Variants in TMPRSS11D observed in about 807,000 individuals in gnomAD.
The protein encoded by TMPRSS11D is transmembrane protease serine 11D.
In TMPRSS11D, 32 loss-of-function variants were observed where a neutral mutation model predicts 44.4. The observed-to-expected ratio is 0.72, with a 90% CI of 0.54 to 0.97. The LOEUF is 0.97. TMPRSS11D is among the 50% of genes least tolerant of loss of function. TMPRSS11D has a pLI of 0.00. For missense variants in TMPRSS11D, 446 were observed against 502.6 expected (o/e 0.89, Z 1.08); for synonymous variants, 179 against 177.9 (o/e 1.01, Z -0.05).
At chr4:67,830,321 T>A (rs1417229691) in intron 7 of TMPRSS11D, among the ~76,000 whole-genome samples, 1 of 151,900 alleles carries the variant, frequency 6.6e-6, no homozygotes, top group East Asian at 1.9e-4. Flanking sequence ...AATCCAGGGA[T>A]GACAGGAGGA....
intron 4 of TMPRSS11D, 97 bp downstream of exon 4, chr4:67,842,461 T>G: frequency 8.9e-7 from 1 of 1,117,646 alleles, no homozygotes; most frequent in Non-Finnish European, 1.3e-6. Context: ...TTACAACAAC[T>G]TATCTGAACA....
chr4:67,836,425 C>T (rs955908439), intron 5 of TMPRSS11D, among the ~76,000 whole-genome samples: 1 of 152,158 alleles, frequency 6.6e-6, no homozygotes, highest in Non-Finnish European at 1.5e-5. Flanking sequence ...CTCTCTCAAA[C>T]CGACTTATGC....
intron 7 of TMPRSS11D, among the ~76,000 whole-genome samples, chr4:67,830,151 A>C (rs1187545025): frequency 6.6e-6 from 1 of 152,086 alleles, no homozygotes; most frequent in Non-Finnish European, 1.5e-5. Context: ...AGTAAGAAAC[A>C]ATATTAGACT....
At chr4:67,825,967 A>T in intron 8 of TMPRSS11D, 93 bp from the exon 9 acceptor site, 2 of 1,337,990 alleles carry the variant, frequency 1.5e-6, no homozygotes, top group South Asian at 1.9e-5. Context: ...TGTACTCCAA[A>T]CATTATTTCA....
At chr4:67,829,539 T>G (rs899185081) in intron 7 of TMPRSS11D, among the ~76,000 whole-genome samples, 13 of 151,614 alleles carry the variant, frequency 8.6e-5, no homozygotes, top group African/African-American at 3.1e-4. Context: ...AAAAATAGAA[T>G]GAATTCTATT....
In TMPRSS11D at chr4:67,876,174, C is replaced by T. The variant is rs11940127; in HGVS notation, c.8+7752G>A. 2.8e-3 allele frequency among the ~76,000 whole-genome samples: 423 copies of T among 152,216 alleles called. 4 individuals are homozygous for T. The highest frequency in any genetic ancestry group is 9.6e-3 in the African/African-American group (400 of 41,524). On this transcript the variant is annotated intron_variant, in intron 1 of 9. Transcript: ENST00000283916. ...GGTAATATATTACAATAGTAATAAC[C>T]ATGAGTTTTATAATCAGACAGATCC...
intron 1 of TMPRSS11D, among the ~76,000 whole-genome samples, chr4:67,867,171 A>G (rs1459928219): frequency 6.6e-6 from 1 of 152,118 alleles, no homozygotes; most frequent in East Asian, 1.9e-4. Flanking sequence ...ACCCAGAAAT[A>G]AAGCCACTTA....
intron 1 of TMPRSS11D, among the ~76,000 whole-genome samples, chr4:67,876,849 A>G (rs1719202522): frequency 6.6e-6 from 1 of 152,228 alleles, no homozygotes; most frequent in Non-Finnish European, 1.5e-5. Context: ...TTGCCAAATA[A>G]TTGTCCTTCC....
chr4:67,834,267 T>C (rs1378728939), intron 6 of TMPRSS11D, among the ~76,000 whole-genome samples: 1 of 152,058 alleles, frequency 6.6e-6, no homozygotes, highest in Non-Finnish European at 1.5e-5. Context: ...AAAGGCTTTT[T>C]TTTCCTAGCA....
Position 67,821,337 on chromosome 4 carries a change from T to C in TMPRSS11D, c.*1000A>G, listed in dbSNP as rs1393682806. 1 of 152,124 alleles carries C rather than the reference T, an allele frequency of 6.6e-6. No homozygotes were observed. The highest frequency in any genetic ancestry group is 1.5e-5 in the Non-Finnish European group (1 of 68,014). 9.4% of individuals were successfully genotyped at this position (152,124 alleles called of 1,614,324 possible). The stretch of plus-strand genomic sequence containing the variant: ...TGTCTTCAGGATCATTCTATTGATA[T>C]TAAGCTATTTAAACTTTTCCTTTGC... On this transcript the variant is annotated 3_prime_UTR_variant, in exon 10 of 10. Coordinates refer to ENST00000283916, the MANE Select transcript of TMPRSS11D (RefSeq NM_004262.3).
At chr4:67,841,983 A>G (rs1577811897) in intron 4 of TMPRSS11D, among the ~76,000 whole-genome samples, 1 of 152,202 alleles carries the variant, frequency 6.6e-6, no homozygotes. Context: ...AAAGGTGACT[A>G]TTTCAGTTGG....
At chr4:67,827,150 T>G in intron 8 of TMPRSS11D, 111 bp downstream of exon 8, 2 of 1,402,206 alleles carry the variant, frequency 1.4e-6, no homozygotes, top group Non-Finnish European at 1.9e-6. Flanking sequence ...AGAATGGTTC[T>G]GTCTGTAGAA....
At chr4:67,858,438 A>T (rs1487905475) in intron 2 of TMPRSS11D, among the ~76,000 whole-genome samples, 1 of 152,066 alleles carries the variant, frequency 6.6e-6, no homozygotes, top group African/African-American at 2.4e-5. Flanking sequence ...GGGGTAGGTG[A>T]CTCCAGGTGA....
chr4:67,858,351 G>A (rs1402011013), intron 2 of TMPRSS11D, among the ~76,000 whole-genome samples: 4 of 152,108 alleles, frequency 2.6e-5, no homozygotes, highest in Non-Finnish European at 5.9e-5. Flanking sequence ...TGACAATGCC[G>A]TGTCATTAAG....
chr4:67,827,135 A>C, intron 8 of TMPRSS11D, 126 bp downstream of exon 8: 5 of 1,284,942 alleles, frequency 3.9e-6, no homozygotes, highest in Non-Finnish European at 5.2e-6. Flanking sequence ...GGCTGAGCAG[A>C]ATATAGAATG....
chr4:67,864,028 G>C (rs368594551), intron 1 of TMPRSS11D, among the ~76,000 whole-genome samples: 2 of 151,894 alleles, frequency 1.3e-5, no homozygotes, highest in East Asian at 3.9e-4. Context: ...CATGCATGCT[G>C]TATAAACTAT....
chr4:67,874,119 A>G (rs1335027825), intron 1 of TMPRSS11D, among the ~76,000 whole-genome samples: 1 of 152,156 alleles, frequency 6.6e-6, no homozygotes, highest in Non-Finnish European at 1.5e-5. Flanking sequence ...AGTATTCAGT[A>G]CAGTAACGTG....
chr4:67,881,004 G>A (rs968128933), intron 1 of TMPRSS11D, among the ~76,000 whole-genome samples: 20 of 152,156 alleles, frequency 1.3e-4, no homozygotes, highest in African/African-American at 4.6e-4. Context: ...AATGACTTTA[G>A]ATTTGGGATG....
intron 1 of TMPRSS11D, among the ~76,000 whole-genome samples, chr4:67,883,609 A>C (rs1719377914): frequency 1.3e-5 from 2 of 152,076 alleles, no homozygotes; most frequent in African/African-American, 4.8e-5. Context: ...TGCAATTTTA[A>C]AATCCACACA....
Sources: gnomAD v4.1 joint callset for allele counts (sites outside exome capture counted in the v4.1 genomes callset) on GRCh38, gnomAD v4.1.1 for gene constraint, MANE v1.5 for transcripts, NCBI Gene and HGNC (gene_info 2026-07-23, HGNC 2026-07-21) for gene names.